The following MCMDC2 variants were observed in gnomAD, a reference collection of about 807,000 sequenced individuals.
MCMDC2 encodes the protein minichromosome maintenance domain containing 2, also known as minichromosome maintenance domain-containing protein 2.
A neutral mutation model predicts 75.8 loss-of-function variants in MCMDC2; 54 were observed. That is an observed-to-expected ratio of 0.71 (90% CI 0.57 to 0.89). The LOEUF (loss-of-function observed/expected upper bound fraction) is 0.89. Among genes scored for constraint, MCMDC2 ranks in the 40% least tolerant of loss-of-function variants. The pLI is 0.00. For missense variants in MCMDC2, 656 were observed against 780.4 expected (o/e 0.84, Z 1.90); for synonymous variants, 249 against 274.6 (o/e 0.91, Z 0.92).
chr8:66,876,923 G>C (rs1427863559), intron 4 of MCMDC2, among the ~76,000 whole-genome samples: 1 of 151,802 alleles, frequency 6.6e-6, no homozygotes, highest in Non-Finnish European at 1.5e-5. Flanking sequence ...ATCACACCCG[G>C]CTAATTTTTT....
chr8:66,918,995 T>C lies in MCMDC2; in HGVS notation c.1880-8T>C. The C allele has an allele frequency of 6.7e-7, 1 of 1,497,140 alleles. No individual in the cohort carries two copies. The highest frequency in any genetic ancestry group is 8.9e-7 in the Non-Finnish European group (1 of 1,120,608). The allele number at this position is 1,497,140 out of a possible 1,614,324, so 92.7% of individuals were successfully genotyped here. On this transcript the variant is annotated splice_region_variant and splice_polypyrimidine_tract_variant and intron_variant, in intron 14 of 14. Transcript: ENST00000422365. The stretch of plus-strand genomic sequence containing the variant: ...TGTCATTTACACTCTATTATCTTCT[T>C]CATTTAGGGGCCACTGTATTTTGTG...
intron 1 of MCMDC2, among the ~76,000 whole-genome samples, chr8:66,872,796 A>T (rs1018508769): frequency 2.0e-5 from 3 of 152,056 alleles, no homozygotes; most frequent in Non-Finnish European, 4.4e-5. Flanking sequence ...CGTCTCTACT[A>T]AAAATACAAA....
At chr8:66,911,810 G>A (rs1378325163) in intron 14 of MCMDC2, among the ~76,000 whole-genome samples, 2 of 151,350 alleles carry the variant, frequency 1.3e-5, no homozygotes, top group African/African-American at 4.9e-5. Context: ...GTGACTGGGC[G>A]AGACTCTGTC....
chr8:66,903,589 A>G (rs2130852393), intron 13 of MCMDC2, among the ~76,000 whole-genome samples: 2 of 152,338 alleles, frequency 1.3e-5, no homozygotes, highest in South Asian at 4.1e-4. Context: ...GTTAATTTTA[A>G]TATGATAACT....
chr8:66,909,061 A>G (rs1364797469), intron 14 of MCMDC2, among the ~76,000 whole-genome samples: 1 of 152,292 alleles, frequency 6.6e-6, no homozygotes, highest in African/African-American at 2.4e-5. Context: ...AGTTTCCCCT[A>G]TGCTATTCTC....
rs1813505530 is a variant in MCMDC2 at position 66,920,985 on chromosome 8, TTATCTA to T, written c.*1820_*1825del. 6.6e-6 allele frequency: 1 copy of T among 152,104 alleles called. No homozygotes were observed. Among genetic ancestry groups the T allele is most frequent in the Non-Finnish European group, 1.5e-5 (1 of 68,026 alleles). The allele number at this position is 152,104 out of a possible 1,614,324, so 9.4% of individuals were successfully genotyped here. ...TGGCACAAAGATGGCTTTTATTTAC[TTATCTA>T]TATTTATATATACATATTTATATGT... On this transcript the variant is annotated 3_prime_UTR_variant, in exon 15 of 15. Coordinates refer to ENST00000422365, the MANE Select transcript of MCMDC2 (RefSeq NM_173518.5).
chr8:66,915,196 C>T (rs1039577372), intron 14 of MCMDC2, among the ~76,000 whole-genome samples: 6 of 151,946 alleles, frequency 3.9e-5, no homozygotes, highest in Non-Finnish European at 5.9e-5. Context: ...GGAGCGGTGG[C>T]TCACGCCAGC....
At chr8:66,897,089 C>G in intron 12 of MCMDC2, 130 bp downstream of exon 12, 1 of 862,046 alleles carries the variant, frequency 1.2e-6, no homozygotes, top group Non-Finnish European at 1.7e-6. Flanking sequence ...AGCTTTTAAA[C>G]ATTTTAAGGA....
chr8:66,915,730 G>T (rs1813290917), intron 14 of MCMDC2, among the ~76,000 whole-genome samples: 1 of 151,866 alleles, frequency 6.6e-6, no homozygotes, highest in Non-Finnish European at 1.5e-5. Flanking sequence ...GCATAGAGGT[G>T]GTACTCAAAG....
intron 4 of MCMDC2, among the ~76,000 whole-genome samples, 175 bp downstream of exon 4, chr8:66,874,761 A>G (rs2130788588): frequency 6.6e-6 from 1 of 151,862 alleles, no homozygotes; most frequent in Middle Eastern, 3.4e-3. Flanking sequence ...ATAACATTAA[A>G]CACTTCTTTT....
Position 66,874,102 on chromosome 8 carries a change from ATTGTGG to A in MCMDC2, c.-36_-31del. 1.4e-6 allele frequency: 2 copies of A among 1,448,410 alleles called. No individual in the cohort carries two copies. The highest frequency in any genetic ancestry group is 1.9e-6 in the Non-Finnish European group (2 of 1,059,838). 89.7% of individuals were successfully genotyped at this position (1,448,410 alleles called of 1,614,324 possible). On this transcript the variant is annotated 5_prime_UTR_variant, in exon 2 of 15. Transcript: ENST00000422365. ...TCGCCATCTATAGCTTTTATCAACAATTGTGGTTTAATCAATTAGAAATATTAACCA... is the reference window on the plus strand; with the variant it reads ...TCGCCATCTATAGCTTTTATCAACAATTTAATCAATTAGAAATATTAACCA...
intron 14 of MCMDC2, among the ~76,000 whole-genome samples, chr8:66,907,128 A>G (rs1243770811): frequency 6.6e-6 from 1 of 151,882 alleles, no homozygotes; most frequent in Non-Finnish European, 1.5e-5. Flanking sequence ...TTTGTTACAT[A>G]AGTATACATG....
rs1255342453 is a variant in MCMDC2, at chr8:66,919,434, T to TAA, written c.*267_*268dup. 1 of 236,688 alleles carries TAA rather than the reference T, an allele frequency of 4.2e-6. No individual in the cohort carries two copies. The highest frequency in any genetic ancestry group is 5.6e-5 in the Admixed American group (1 of 17,976). The allele number at this position is 236,688 out of a possible 1,614,324, so 14.7% of individuals were successfully genotyped here. ...GATAAAGTTGTCAAGGAGAATACTA[T>TAA]AAAGAAAAACCTGGTTAGCCCAGAA... On this transcript the variant is annotated 3_prime_UTR_variant, in exon 15 of 15. Transcript: ENST00000422365.
At chr8:66,911,586 G>A (rs1276669702) in intron 14 of MCMDC2, among the ~76,000 whole-genome samples, 1 of 151,584 alleles carries the variant, frequency 6.6e-6, no homozygotes, top group African/African-American at 2.4e-5. Flanking sequence ...AACTTTGGGG[G>A]TCCGAGGCAG....
In MCMDC2 at chr8:66,907,856, G is replaced by A. The variant is rs570856198; in HGVS notation, c.1879+2521G>A. On this transcript the variant is annotated intron_variant, in intron 14 of 14. Coordinates refer to ENST00000422365, the MANE Select transcript of MCMDC2 (RefSeq NM_173518.5). The stretch of plus-strand genomic sequence containing the variant: ...TGAGCTTTTTTTCATATGTTTGTTG[G>A]CTGCATAAATGTCTTTTTTTTGAGA... Among the ~76,000 whole-genome samples, 5 of 152,016 alleles carry A rather than the reference G, an allele frequency of 3.3e-5. 1 individual carries two copies. Among genetic ancestry groups the A allele is most frequent in the Admixed American group, 3.3e-4 (5 of 15,270 alleles).
At chr8:66,884,316 A>T in intron 9 of MCMDC2, 1 of 333,850 alleles carries the variant, frequency 3.0e-6, no homozygotes, top group Non-Finnish European at 5.4e-6. Flanking sequence ...CCTAAGGAAC[A>T]AACTAACCAT....
chr8:66,913,196 G>C (rs1288139910), intron 14 of MCMDC2, among the ~76,000 whole-genome samples: 3 of 152,132 alleles, frequency 2.0e-5, no homozygotes, highest in Non-Finnish European at 2.9e-5. Context: ...GCATTTTTTA[G>C]CAATAAAGCA....
chr8:66,890,861 CT>C lies in MCMDC2; in HGVS notation c.1074-3del. ...GTAATGAAAAGTTTATTTTTTTTCC[CT>C]AGGCTTCTGAATTTTAGCATAAACC... On this transcript the variant is annotated splice_polypyrimidine_tract_variant and splice_region_variant and intron_variant, in intron 9 of 14. Coordinates refer to ENST00000422365, the MANE Select transcript of MCMDC2 (RefSeq NM_173518.5). 6.3e-7 allele frequency: 1 copy of C among 1,593,404 alleles called. No homozygotes were observed. The highest frequency in any genetic ancestry group is 8.5e-7 in the Non-Finnish European group (1 of 1,174,164).
intron 9 of MCMDC2, 63 bp downstream of exon 9, chr8:66,884,057 C>A: frequency 1.0e-6 from 1 of 998,850 alleles, no homozygotes; most frequent in South Asian, 1.4e-5. Flanking sequence ...ACATCCTTTC[C>A]ATGAGCATTA....
Sources: allele counts gnomAD v4.1 joint callset (sites outside exome capture counted in the v4.1 genomes callset), GRCh38; gene constraint gnomAD v4.1.1; transcripts MANE v1.5; gene names NCBI Gene and HGNC (gene_info 2026-07-23, HGNC 2026-07-21).